Variants in PLB1 observed in about 807,000 individuals in gnomAD.
The protein encoded by PLB1 is phospholipase B1.
Under a neutral mutation model 227.4 loss-of-function variants are expected in PLB1, and 242 were observed. The ratio of observed to expected loss-of-function variants is 1.06; its 90% CI spans 0.96 to 1.18. The LOEUF is 1.18. Ranked by LOEUF, PLB1 falls within the 50% of genes most tolerant of loss-of-function variation. PLB1 has a pLI of 0.00. For missense variants in PLB1, 1,858 were observed against 1,816.3 expected (o/e 1.02, Z -0.42); for synonymous variants, 757 against 682.2 (o/e 1.11, Z -1.71).
intron 1 of PLB1, among the ~76,000 whole-genome samples, chr2:28,509,547 C>T (rs550485548): frequency 6.6e-6 from 1 of 152,322 alleles, no homozygotes; most frequent in East Asian, 1.9e-4. Flanking sequence ...TTTGTTGGTT[C>T]CAGACCCCAG....
At chr2:28,567,500 T>G (rs1356943339) in intron 20 of PLB1, among the ~76,000 whole-genome samples, 1 of 125,482 alleles carries the variant, frequency 8.0e-6, no homozygotes, top group Non-Finnish European at 1.6e-5. Context: ...TGAGATGGAG[T>G]CTCACTCTGT....
chr2:28,518,362 C>A, intron 2 of PLB1, 104 bp from the exon 3 acceptor site: 3 of 861,748 alleles, frequency 3.5e-6, no homozygotes, highest in Non-Finnish European at 3.9e-6. Context: ...AGATTTTGAG[C>A]CTAGATAGAA....
chr2:28,606,855 TCAGGATGC>T (rs1684751743), intron 43 of PLB1, among the ~76,000 whole-genome samples: 2 of 151,694 alleles, frequency 1.3e-5, no homozygotes, highest in East Asian at 3.9e-4. Context: ...AGAGAGGAAA[TCAGGATGC>T]CAGGAAAATG....
chr2:28,529,842 C>T (rs1670785858), intron 8 of PLB1, 63 bp downstream of exon 8: 11 of 1,518,838 alleles, frequency 7.2e-6, no homozygotes, highest in South Asian at 4.5e-5. Flanking sequence ...GCGGGCAGAC[C>T]GAAGTGATGA....
chr2:28,575,644 C>T (rs1426595869), intron 21 of PLB1, among the ~76,000 whole-genome samples: 1 of 152,200 alleles, frequency 6.6e-6, no homozygotes, highest in Admixed American at 6.5e-5. Flanking sequence ...GATCTCCACT[C>T]CCTGCAACCT....
intron 25 of PLB1, among the ~76,000 whole-genome samples, chr2:28,583,414 C>T (rs2148273052): frequency 6.6e-6 from 1 of 152,146 alleles, no homozygotes; most frequent in East Asian, 1.9e-4. Context: ...GAACTGCTGA[C>T]CTCAGGTGAT....
intron 22 of PLB1, among the ~76,000 whole-genome samples, chr2:28,579,026 T>C (rs1193740558): frequency 6.6e-6 from 1 of 152,204 alleles, no homozygotes; most frequent in Admixed American, 6.5e-5. Context: ...TGACTTCATA[T>C]GCTTTTCCAG....
intron 14 of PLB1, among the ~76,000 whole-genome samples, chr2:28,544,085 A>G (rs987871029): frequency 1.3e-5 from 2 of 152,166 alleles, no homozygotes; most frequent in African/African-American, 4.8e-5. Context: ...CAACTGACAT[A>G]CTGTGTTGAG....
chr2:28,629,219 C>T (rs1390030644), intron 53 of PLB1, 34 bp downstream of exon 53: 1 of 1,598,146 alleles, frequency 6.3e-7, no homozygotes, highest in African/African-American at 1.3e-5. Flanking sequence ...AAGGCAAGGG[C>T]ACCTGGGGTG....
At chr2:28,583,189 CTT>C (rs112360775) in intron 25 of PLB1, among the ~76,000 whole-genome samples, 5 of 144,286 alleles carry the variant, frequency 3.5e-5, no homozygotes, top group Non-Finnish European at 1.5e-5. Context: ...AAATCCAAAA[CTT>C]TTTTTTTTTT....
intron 1 of PLB1, among the ~76,000 whole-genome samples, chr2:28,505,313 T>A (rs1013069974): frequency 1.3e-5 from 2 of 152,182 alleles, no homozygotes; most frequent in African/African-American, 4.8e-5. Flanking sequence ...AGACTTTTAT[T>A]TAAACTTTTA....
intron 21 of PLB1, among the ~76,000 whole-genome samples, chr2:28,577,251 G>T (rs1679119789): frequency 6.6e-6 from 1 of 152,188 alleles, no homozygotes; most frequent in African/African-American, 2.4e-5. Context: ...CCCATCTACT[G>T]GTCCCAGTGA....
At chr2:28,567,469 C>CTTTTTTTTTTTTTTTTTTTT (rs57787583) in intron 20 of PLB1, among the ~76,000 whole-genome samples, 1 of 108,090 alleles carries the variant, frequency 9.3e-6, no homozygotes, top group African/African-American at 4.0e-5. Context: ...ATTTCTTTCT[C>CTTTTTTTTTTTTTTTTTTTT]TTTTTTTTTT....
intron 9 of PLB1, among the ~76,000 whole-genome samples, chr2:28,534,298 A>G (rs1671391096): frequency 6.6e-6 from 1 of 152,174 alleles, no homozygotes; most frequent in Non-Finnish European, 1.5e-5. Context: ...AGTCTTGCTC[A>G]TTTACTTGAC....
At chr2:28,552,876 T>A in intron 16 of PLB1, 52 bp from the exon 17 acceptor site, 1 of 1,509,668 alleles carries the variant, frequency 6.6e-7, no homozygotes, top group Non-Finnish European at 9.2e-7. Context: ...TCTCACCCAT[T>A]TCCAGTTTAG....
intron 6 of PLB1, among the ~76,000 whole-genome samples, chr2:28,526,814 T>A (rs1409146046): frequency 6.6e-6 from 1 of 152,114 alleles, no homozygotes; most frequent in African/African-American, 2.4e-5. Flanking sequence ...GAGGGGCCCA[T>A]GAATTGTTAG....
At chr2:28,596,614 G>C (rs1305268945) in intron 33 of PLB1, among the ~76,000 whole-genome samples, 1 of 152,220 alleles carries the variant, frequency 6.6e-6, no homozygotes, top group Admixed American at 6.5e-5. Flanking sequence ...AAAATATTCT[G>C]ATTGGGTGCC....
intron 1 of PLB1, among the ~76,000 whole-genome samples, chr2:28,506,602 G>T (rs904796894): frequency 1.3e-5 from 2 of 152,178 alleles, no homozygotes; most frequent in African/African-American, 4.8e-5. Flanking sequence ...AAACTAAACT[G>T]GTGGAGTGAC....
intron 4 of PLB1, among the ~76,000 whole-genome samples, chr2:28,523,235 A>G (rs868793316): frequency 4.6e-5 from 7 of 152,202 alleles, no homozygotes; most frequent in Middle Eastern, 3.4e-3. Flanking sequence ...GTGCACACAC[A>G]TATATACATT....
Sources: allele counts gnomAD v4.1 joint callset (sites outside exome capture counted in the v4.1 genomes callset), GRCh38; gene constraint gnomAD v4.1.1; transcripts MANE v1.5; gene names NCBI Gene and HGNC (gene_info 2026-07-23, HGNC 2026-07-21).